The following GMCL1 variants were observed in gnomAD, a reference collection of about 807,000 sequenced individuals.
GMCL1 encodes germ cell-less protein-like 1.
In GMCL1, 54 loss-of-function variants were observed where a neutral mutation model predicts 75.5. The observed-to-expected ratio is 0.71, with a 90% CI of 0.57 to 0.90. The LOEUF (loss-of-function observed/expected upper bound fraction) is 0.90. GMCL1 is among the 40% of genes least tolerant of loss of function. The pLI, the probability that GMCL1 is intolerant of heterozygous loss-of-function variation, is 0.00. For synonymous variants in GMCL1, 210 were observed against 209.6 expected (o/e 1.00, Z -0.02); for missense variants, 537 against 622.7 (o/e 0.86, Z 1.47).
chr2:69,869,592 C>T, intron 11 of GMCL1, 127 bp from the exon 12 acceptor site: 1 of 844,116 alleles, frequency 1.2e-6, no homozygotes, highest in Non-Finnish European at 1.8e-6. Flanking sequence ...AAGTCACTGA[C>T]AAAAAGTCGA....
At chr2:69,876,831 A>T (rs1676140669) in intron 13 of GMCL1, among the ~76,000 whole-genome samples, 1 of 152,164 alleles carries the variant, frequency 6.6e-6, no homozygotes. Flanking sequence ...TATACAAAAA[A>T]TTGAAAAATT....
intron 4 of GMCL1, among the ~76,000 whole-genome samples, chr2:69,842,047 A>G (rs187722556): frequency 6.6e-6 from 1 of 152,360 alleles, no homozygotes; most frequent in East Asian, 1.9e-4. Flanking sequence ...GTTATGTTTT[A>G]GAAAGAATAC....
intron 13 of GMCL1, among the ~76,000 whole-genome samples, 173 bp from the exon 14 acceptor site, chr2:69,878,736 A>G (rs1676196669): frequency 6.6e-6 from 1 of 152,196 alleles, no homozygotes; most frequent in Non-Finnish European, 1.5e-5. Flanking sequence ...CCCATCTTAC[A>G]GTGAGGAAGC....
intron 13 of GMCL1, among the ~76,000 whole-genome samples, chr2:69,873,128 AAGAC>A (rs1317405079): frequency 6.6e-6 from 1 of 152,194 alleles, no homozygotes; most frequent in African/African-American, 2.4e-5. Context: ...AGGAGAAAGA[AAGAC>A]AGCTCAGGGA....
At chr2:69,861,440 G>C (rs1413459439) in intron 10 of GMCL1, 93 bp downstream of exon 10, 10 of 702,550 alleles carry the variant, frequency 1.4e-5, no homozygotes, top group Non-Finnish European at 2.4e-5. Context: ...TAACAGTATT[G>C]AAAACTCAAG....
chr2:69,869,633 T>TA (rs1344606359), intron 11 of GMCL1, 86 bp from the exon 12 acceptor site: 2 of 1,349,848 alleles, frequency 1.5e-6, no homozygotes, highest in Non-Finnish European at 2.1e-6. Flanking sequence ...TGGAATGAGT[T>TA]AGAGACAAAA....
At chr2:69,852,977 G>A (rs999305119) in intron 8 of GMCL1, among the ~76,000 whole-genome samples, 2 of 152,212 alleles carry the variant, frequency 1.3e-5, no homozygotes, top group African/African-American at 4.8e-5. Context: ...GAATTTGGCT[G>A]ATGGAATAAG....
In GMCL1 at chr2:69,829,834, G is replaced by GA; in HGVS notation, c.-58dup. ...TCGGGGAAGGCTGGCGGCGGCGGCC[G>GA]AGCCATGGCGGGAGACCCCCTTCTC... On this transcript the variant is annotated 5_prime_UTR_variant, in exon 1 of 14. Transcript: ENST00000282570. The GA allele has an allele frequency of 6.8e-7, 1 of 1,477,720 alleles. No homozygotes were observed. Among genetic ancestry groups the GA allele is most frequent in the Non-Finnish European group, 8.9e-7 (1 of 1,120,512 alleles). The allele number at this position is 1,477,720 out of a possible 1,614,324, so 91.5% of individuals were successfully genotyped here.
chr2:69,861,337 A>G lies in GMCL1; in HGVS notation c.1132A>G (p.Ser378Gly), dbSNP rs1351055902. ...WFAMLRAEQD[S>G]EVGPQEINKE... ...TGCTATGCTGCGGGCAGAACAGGAC[A>G]GTGAGGTGGGGTAAGTATATTATAC... The change falls in exon 10 of 14, where the codon AGT becomes GGT. Residue 378 changes from serine to glycine, a missense_variant. By Grantham distance (56) the Ser-to-Gly change is moderately conservative. This residue lies in a region of GMCL1 where 345 missense variants were observed against 410.5 expected (regional missense o/e 0.84). Coordinates refer to ENST00000282570, the MANE Select transcript of GMCL1 (RefSeq NM_178439.5). The G allele has an allele frequency of 1.9e-6, 3 of 1,606,266 alleles. No homozygotes were observed. The highest frequency in any genetic ancestry group is 1.7e-6 in the Non-Finnish European group (2 of 1,174,206).
rs1461271348 is a variant in GMCL1 at position 69,830,067 on chromosome 2, T to C, written c.175T>C (p.Phe59Leu). The change falls in exon 1 of 14, where the codon TTC becomes CTC. Residue 59 changes from phenylalanine to leucine, a missense_variant. Around this residue, in one of 3 missense-constraint regions of GMCL1, gnomAD observed 144 missense variants for 127.2 expected, o/e 1.13. Coordinates refer to ENST00000282570, the MANE Select transcript of GMCL1 (RefSeq NM_178439.5). ...SHKRKRSSGS[F>L]CYCHPDSETD... is the part of the protein sequence containing the mutation. ...CAAGCGCAAGCGGAGCAGCGGGTCC[T>C]TCTGCTACTGTCACCCTGACTCGGA... 1 of 1,572,524 alleles carries C rather than the reference T, an allele frequency of 6.4e-7. No individual in the cohort carries two copies. The highest frequency in any genetic ancestry group is 2.3e-5 in the East Asian group (1 of 42,788).
chr2:69,841,002 T>C lies in GMCL1; in HGVS notation c.542T>C (p.Val181Ala). The change falls in exon 4 of 14, where the codon GTT becomes GCT. Residue 181 changes from valine to alanine, a missense_variant. Coordinates refer to ENST00000282570, the MANE Select transcript of GMCL1 (RefSeq NM_178439.5). ...RDDVLIKPSR[V>A]VAILAAACLL... ...GATGTCTTGATAAAGCCCAGTCGAG[T>C]TGTTGCCATTTTGGCAGCAGCTTGT... 1.2e-6 allele frequency: 2 copies of C among 1,614,056 alleles called. No homozygotes were observed. Among genetic ancestry groups the C allele is most frequent in the Non-Finnish European group, 8.5e-7 (1 of 1,179,930 alleles).
intron 13 of GMCL1, among the ~76,000 whole-genome samples, chr2:69,874,126 A>C (rs939083969): frequency 6.6e-6 from 1 of 152,068 alleles, no homozygotes; most frequent in African/African-American, 2.4e-5. Context: ...GGAAATATAC[A>C]TATATCTTTG....
chr2:69,852,232 A>G (rs980607296), intron 8 of GMCL1, among the ~76,000 whole-genome samples: 2 of 152,256 alleles, frequency 1.3e-5, no homozygotes, highest in Non-Finnish European at 2.9e-5. Flanking sequence ...GCAATCAATC[A>G]AAAGAGAAAT....
intron 1 of GMCL1, among the ~76,000 whole-genome samples, chr2:69,833,489 G>A (rs1167298341): frequency 2.0e-5 from 3 of 152,160 alleles, no homozygotes; most frequent in Admixed American, 6.5e-5. Flanking sequence ...GGTGGTGCAC[G>A]CCTGTATTCC....
In GMCL1 at chr2:69,840,976, T is replaced by C. The variant is rs1674968056; in HGVS notation, c.516T>C (p.Asp172=). The change falls in exon 4 of 14, where the codon GAT becomes GAC. Residue 172 remains aspartate, a synonymous_variant. Coordinates refer to ENST00000282570, the MANE Select transcript of GMCL1 (RefSeq NM_178439.5). ...LQVAFGSLYR[D]DVLIKPSRVV... ...TTGCATTTGGTTCACTGTATCGAGA[T>C]GATGTCTTGATAAAGCCCAGTCGAG... The C allele has an allele frequency of 1.2e-6, 2 of 1,614,100 alleles. No homozygotes were observed. The highest frequency in any genetic ancestry group is 1.7e-5 in the Admixed American group (1 of 60,032).
In GMCL1 at chr2:69,879,330, G is replaced by A. The variant is rs1676213702; in HGVS notation, c.*326G>A. 1 of 166,344 alleles carries A rather than the reference G, an allele frequency of 6.0e-6. No individual in the cohort carries two copies. Among genetic ancestry groups the A allele is most frequent in the Admixed American group, 6.4e-5 (1 of 15,664 alleles). 10.3% of individuals were successfully genotyped at this position (166,344 alleles called of 1,614,324 possible). On this transcript the variant is annotated 3_prime_UTR_variant, in exon 14 of 14. Transcript: ENST00000282570. ...CTGTAGGTAAATCTCACATTTATCTGCAACAAAATATAGATTTAATTTTTA... is the reference window on the plus strand; with the variant it reads ...CTGTAGGTAAATCTCACATTTATCTACAACAAAATATAGATTTAATTTTTA...
At position 69,861,323 on chromosome 2, in the gene GMCL1, G is replaced by A. The variant is rs376371846; in HGVS notation, c.1118G>A (p.Arg373Gln). 22 of 1,608,876 alleles carry A rather than the reference G, an allele frequency of 1.4e-5. No individual in the cohort carries two copies. Among genetic ancestry groups the A allele is most frequent in the Middle Eastern group, 1.7e-4 (1 of 5,850 alleles). Residue 373 changes from arginine (R) to glutamine (Q), a missense_variant, in exon 10 of 14, where the codon CGG (arginine) becomes CAG (glutamine). By Grantham distance (43) the Arg-to-Gln change is conservative (BLOSUM62 1). Transcript: ENST00000282570. ...VYKQQWFAML[R>Q]AEQDSEVGPQ... ...AAACAGCAGTGGTTTGCTATGCTGC[G>A]GGCAGAACAGGACAGTGAGGTGGGG... is the stretch of plus-strand genomic sequence containing the variant.
At chr2:69,852,721 G>A (rs1675354098) in intron 8 of GMCL1, among the ~76,000 whole-genome samples, 1 of 152,050 alleles carries the variant, frequency 6.6e-6, no homozygotes, top group African/African-American at 2.4e-5. Context: ...TGTATTTTTA[G>A]TACAGATGGA....
chr2:69,846,892 A>G (rs886765234), intron 6 of GMCL1, among the ~76,000 whole-genome samples: 2 of 151,626 alleles, frequency 1.3e-5, no homozygotes, highest in Admixed American at 1.3e-4. Context: ...CAGTGGTAAC[A>G]GTCTTGGCTC....
Sources: gnomAD v4.1 joint callset for allele counts (sites outside exome capture counted in the v4.1 genomes callset) on GRCh38, gnomAD v4.1.1 for gene constraint, gnomAD v4.1.1 regional missense constraint, MANE v1.5 for transcripts, NCBI Gene and HGNC (gene_info 2026-07-23, HGNC 2026-07-21) for gene names.